The following MMP17 variants were observed in gnomAD, a reference collection of about 807,000 sequenced individuals.
The protein encoded by MMP17 is matrix metalloproteinase-17.
A neutral mutation model predicts 49.1 loss-of-function variants in MMP17; 54 were observed. The ratio of observed to expected loss-of-function variants is 1.10; its 90% CI spans 0.88 to 1.38. The LOEUF is 1.38. Ranked by LOEUF, MMP17 falls within the 40% of genes most tolerant of loss-of-function variation. The pLI, the probability that MMP17 is intolerant of heterozygous loss-of-function variation, is 0.00. For synonymous variants in MMP17, 397 were observed against 383.1 expected, an observed-to-expected ratio of 1.04 and a Z score of -0.42; for missense variants, 837 against 853.7, an observed-to-expected ratio of 0.98 and a Z score of 0.24.
Position 131,851,397 on chromosome 12 carries a change from C to T in MMP17, c.*123C>T. 1.1e-6 allele frequency: 1 copy of T among 923,564 alleles called. No individual in the cohort carries two copies. Among genetic ancestry groups the T allele is most frequent in the Non-Finnish European group, 1.4e-6 (1 of 692,962 alleles). The allele number at this position is 923,564 out of a possible 1,614,324, so 57.2% of individuals were successfully genotyped here. On this transcript the variant is annotated 3_prime_UTR_variant, in exon 10 of 10. Coordinates refer to ENST00000360564, the MANE Select transcript of MMP17 (RefSeq NM_016155.7). ...GGATGAGGACGGGCCACCCTGGCACCGGAAGGCCAGCAGAGGGCACTGTCC... is the reference window on the plus strand; with the variant it reads ...GGATGAGGACGGGCCACCCTGGCACTGGAAGGCCAGCAGAGGGCACTGTCC...
chr12:131,840,997 C>G, intron 4 of MMP17, 141 bp downstream of exon 4: 1 of 1,105,944 alleles, frequency 9.0e-7, no homozygotes, highest in Non-Finnish European at 1.3e-6. Context: ...GCATTTCCCA[C>G]TAGGCCGATC....
In MMP17 at chr12:131,846,388, T is replaced by C. The variant is rs1887704365; in HGVS notation, c.1204+939T>C. Among the ~76,000 whole-genome samples, 3 of 151,832 alleles carry C rather than the reference T, an allele frequency of 2.0e-5. No homozygotes were observed. The highest frequency in any genetic ancestry group is 7.3e-5 in the African/African-American group (3 of 41,376). On this transcript the variant is annotated intron_variant, in intron 8 of 9. Transcript: ENST00000360564. This position sits in a 1 kb window ranked among gnomAD's most constrained non-coding sequence, Gnocchi z 4.6. ...TTTGTTTTTTGTTTTTTGTTTTTTG[T>C]TTTTCTGAGACAAAGTCTCACTCTG...
At chr12:131,842,818 A>G (rs149630543) in intron 5 of MMP17, among the ~76,000 whole-genome samples, 5 of 152,004 alleles carry the variant, frequency 3.3e-5, no homozygotes, top group East Asian at 1.9e-4. Flanking sequence ...GTGTACTTCT[A>G]TGCGTTCAGG....
At chr12:131,849,716 C>G (rs1400036669) in intron 8 of MMP17, 86 bp from the exon 9 acceptor site, 6 of 1,492,816 alleles carry the variant, frequency 4.0e-6, no homozygotes, top group Non-Finnish European at 5.4e-6. Flanking sequence ...GCAAGGGCGG[C>G]TGACACAGGA....
intron 9 of MMP17, 79 bp from the exon 10 acceptor site, chr12:131,850,846 A>G: frequency 2.6e-6 from 3 of 1,164,750 alleles, no homozygotes; most frequent in Non-Finnish European, 3.4e-6. Flanking sequence ...CCTGAGCCCA[A>G]CGCTCCCTCC....
intron 2 of MMP17, 128 bp downstream of exon 2, chr12:131,838,455 G>C: frequency 6.9e-7 from 1 of 1,456,944 alleles, no homozygotes. Flanking sequence ...GCCTGGTGTA[G>C]CTCAGAGCCT....
intron 2 of MMP17, 87 bp from the exon 3 acceptor site, chr12:131,838,525 G>A (rs1887202318): frequency 6.6e-7 from 1 of 1,510,300 alleles, no homozygotes; most frequent in African/African-American, 1.4e-5. Flanking sequence ...TGGTGCCAGA[G>A]TCAGGGCTCC....
In MMP17 at chr12:131,846,374, T is replaced by G. The variant is rs1321907872; in HGVS notation, c.1204+925T>G. 6.6e-6 allele frequency among the ~76,000 whole-genome samples: 1 copy of G among 152,040 alleles called. No individual in the cohort carries two copies. Among genetic ancestry groups the G allele is most frequent in the East Asian group, 1.9e-4 (1 of 5,182 alleles). ...GTCCCCTAGTCCTGTTTGTTTTTTG[T>G]TTTTTGTTTTTTGTTTTTCTGAGAC... On this transcript the variant is annotated intron_variant, in intron 8 of 9. Transcript: ENST00000360564. The surrounding 1 kb of genome is among the most constrained non-coding windows in gnomAD (Gnocchi z 4.6).
intron 1 of MMP17, among the ~76,000 whole-genome samples, chr12:131,836,297 G>A (rs931308682): frequency 2.6e-5 from 4 of 152,102 alleles, no homozygotes; most frequent in African/African-American, 9.7e-5. Flanking sequence ...TGGCCAGCAC[G>A]GCCTGTTGCT....
chr12:131,840,745 C>G lies in MMP17; in HGVS notation c.595C>G (p.Pro199Ala). ...FSKADHNDGYPFDGPGGTVAH... is the reference protein window; with the variant it reads ...FSKADHNDGYAFDGPGGTVAH... ...CAAGGCCGACCATAACGACGGCTAC[C>G]CCTTCGACGGCCCCGGCGGCACCGT... The change falls in exon 4 of 10, where the codon CCC (proline) becomes GCC (alanine). Residue 199 changes from proline (P) to alanine (A), a missense_variant. Transcript: ENST00000360564. The G allele has an allele frequency of 1.9e-6, 3 of 1,604,434 alleles. No homozygotes were observed. The highest frequency in any genetic ancestry group is 8.5e-7 in the Non-Finnish European group (1 of 1,179,906).
At chr12:131,831,422 G>A (rs921406300) in intron 1 of MMP17, among the ~76,000 whole-genome samples, 4 of 152,062 alleles carry the variant, frequency 2.6e-5, no homozygotes, top group Non-Finnish European at 5.9e-5. Context: ...GGTGGCAGCC[G>A]CCCTCCATGT....
chr12:131,849,720 C>T, intron 8 of MMP17, 82 bp from the exon 9 acceptor site: 1 of 1,506,742 alleles, frequency 6.6e-7, no homozygotes. Flanking sequence ...GGGCGGCTGA[C>T]ACAGGAGAAG....
chr12:131,847,109 T>TAAA (rs34505286), intron 8 of MMP17, among the ~76,000 whole-genome samples: 2 of 136,688 alleles, frequency 1.5e-5, no homozygotes, highest in Non-Finnish European at 1.5e-5. Context: ...AGACCTTGTC[T>TAAA]AAAAAAAAAA....
Position 131,841,656 on chromosome 12 carries a change from G to GT in MMP17, c.740dup (p.His248ProfsTer29). 6.2e-7 allele frequency: 1 copy of GT among 1,614,090 alleles called. No homozygotes were observed. The highest frequency in any genetic ancestry group is 1.3e-5 in the African/African-American group (1 of 75,046). ...CGGGATGGACCTGTTTGCAGTGGCT[G>GT]TCCACGAGTTTGGCCACGCCATTGG... On this transcript the variant is annotated frameshift_variant, in exon 5 of 10. Coordinates refer to ENST00000360564, the MANE Select transcript of MMP17 (RefSeq NM_016155.7). LOFTEE classifies it high-confidence loss of function.
At chr12:131,828,833 G>C (rs562610750) in intron 1 of MMP17, among the ~76,000 whole-genome samples, 180 bp downstream of exon 1, 12 of 152,018 alleles carry the variant, frequency 7.9e-5, no homozygotes, top group Non-Finnish European at 1.5e-4. Context: ...CTGAGCGACC[G>C]GGCGAGCGCA....
chr12:131,835,317 CTGGTG>C (rs1887027847), intron 1 of MMP17, among the ~76,000 whole-genome samples: 4 of 152,384 alleles, frequency 2.6e-5, no homozygotes, highest in Admixed American at 6.5e-5. Flanking sequence ...CTGTCCCGGG[CTGGTG>C]CTGGGGCCCT....
chr12:131,845,479 C>T, intron 8 of MMP17, 30 bp downstream of exon 8: 1 of 1,534,582 alleles, frequency 6.5e-7, no homozygotes, highest in South Asian at 1.2e-5. Flanking sequence ...GCACTCCGGG[C>T]TTCCCGGGCC....
chr12:131,841,304 C>T (rs1887394916), intron 4 of MMP17, among the ~76,000 whole-genome samples: 2 of 152,206 alleles, frequency 1.3e-5, no homozygotes, highest in South Asian at 4.1e-4. Context: ...AGCATTGGGC[C>T]TCAGGTCATC....
chr12:131,837,575 G>A (rs1460504884), intron 1 of MMP17, among the ~76,000 whole-genome samples: 2 of 152,204 alleles, frequency 1.3e-5, no homozygotes, highest in Non-Finnish European at 2.9e-5. Flanking sequence ...TTTGACACTG[G>A]CCACATTTAA....
Sources: allele counts gnomAD v4.1 joint callset (sites outside exome capture counted in the v4.1 genomes callset), GRCh38; gene constraint gnomAD v4.1.1; non-coding constraint Gnocchi (gnomAD v3.1); transcripts MANE v1.5; gene names NCBI Gene and HGNC (gene_info 2026-07-23, HGNC 2026-07-21).